Variants in CSMD1 observed in about 807,000 individuals in gnomAD.
CSMD1 encodes the protein CUB and sushi domain-containing protein 1.
In CSMD1, 213 loss-of-function variants were observed where a neutral mutation model predicts 417.5. That is an observed-to-expected ratio of 0.51 (90% CI 0.46 to 0.57). The LOEUF is 0.57. Among genes scored for constraint, CSMD1 ranks in the 20% least tolerant of loss-of-function variants. The probability of loss-of-function intolerance (pLI) is 0.00; values close to 1 mark genes in which losing one functional copy is unlikely to be tolerated. For synonymous variants in CSMD1, 2,862 were observed against 1,736.8 expected, an observed-to-expected ratio of 1.65 and a Z score of -16.11; for missense variants, 6,923 against 4,529.7, an observed-to-expected ratio of 1.53 and a Z score of -15.17.
At chr8:3,453,523 A>G (rs1019694755) in intron 12 of CSMD1, among the ~76,000 whole-genome samples, 1 of 151,972 alleles carries the variant, frequency 6.6e-6, no homozygotes, top group Non-Finnish European at 1.5e-5. Flanking sequence ...CTTTGTTCTC[A>G]TTGGTTTCAA....
chr8:4,115,906 G>A (rs1047536069), intron 3 of CSMD1, among the ~76,000 whole-genome samples: 4 of 151,936 alleles, frequency 2.6e-5, no homozygotes, highest in African/African-American at 9.7e-5. Context: ...AAAGATCAGT[G>A]GTTGCCAGTG....
At chr8:3,741,173 T>A (rs1010239670) in intron 6 of CSMD1, among the ~76,000 whole-genome samples, 4 of 137,894 alleles carry the variant, frequency 2.9e-5, no homozygotes, top group East Asian at 2.1e-4. Context: ...GAGATCGTGC[T>A]ATTGCAGTCC....
chr8:4,955,977 G>A (rs1434358580), intron 1 of CSMD1, among the ~76,000 whole-genome samples: 1 of 152,186 alleles, frequency 6.6e-6, no homozygotes, highest in African/African-American at 2.4e-5. Flanking sequence ...TGCGTTCTGT[G>A]ATTTTCAGTA....
At chr8:4,076,154 G>T (rs569066759) in intron 3 of CSMD1, among the ~76,000 whole-genome samples, 1 of 152,248 alleles carries the variant, frequency 6.6e-6, no homozygotes, top group African/African-American at 2.4e-5. Flanking sequence ...TCATGCGTGT[G>T]GTTGCTCCAT....
In CSMD1 at chr8:3,382,461, ATATAT is replaced by A. The variant is rs1206897143; in HGVS notation, c.2782+5028_2782+5032del. 1.7e-3 allele frequency among the ~76,000 whole-genome samples: 220 copies of A among 126,098 alleles called. 1 individual carries two copies. The highest frequency in any genetic ancestry group is 6.1e-3 in the African/African-American group (209 of 34,224). The allele number at this position is 126,098 out of a possible 152,430, so 82.7% of individuals were successfully genotyped here. On this transcript the variant is annotated intron_variant, in intron 18 of 69. Transcript: ENST00000635120. ...TAACATATATAATATAATATATATA[ATATAT>A]TATATATAATCTATATATTTAATTA...
At chr8:4,496,380 G>A (rs959066898) in intron 2 of CSMD1, among the ~76,000 whole-genome samples, 1 of 152,244 alleles carries the variant, frequency 6.6e-6, no homozygotes, top group East Asian at 1.9e-4. Context: ...CATCCTGACA[G>A]GGGGCTGGAG....
At chr8:3,614,779 A>C (rs903950781) in intron 8 of CSMD1, among the ~76,000 whole-genome samples, 1 of 152,222 alleles carries the variant, frequency 6.6e-6, no homozygotes, top group African/African-American at 2.4e-5. Context: ...GCACAGTTTT[A>C]GTCACTGAGG....
At chr8:4,130,944 T>C (rs959419199) in intron 3 of CSMD1, among the ~76,000 whole-genome samples, 1 of 152,226 alleles carries the variant, frequency 6.6e-6, no homozygotes, top group South Asian at 2.1e-4. Context: ...GAATATCATA[T>C]CTAATCTATA....
chr8:4,026,475 T>A (rs528587984), intron 4 of CSMD1, among the ~76,000 whole-genome samples: 57 of 152,298 alleles, frequency 3.7e-4, no homozygotes, highest in African/African-American at 1.4e-3. Flanking sequence ...ATGGAAATTT[T>A]AAAGATCCTC....
chr8:3,424,539 G>A (rs270071), intron 12 of CSMD1, among the ~76,000 whole-genome samples: 33,348 of 152,106 alleles, frequency 0.22, 4,067 homozygotes, highest in Non-Finnish European at 0.28. Flanking sequence ...CTTGGCTATT[G>A]TTCTTGTAGT....
At chr8:4,936,360 T>C (rs6981938) in intron 1 of CSMD1, among the ~76,000 whole-genome samples, 51,516 of 152,056 alleles carry the variant, frequency 0.34, 9,284 homozygotes, top group Non-Finnish European at 0.41. Flanking sequence ...TCGGCCTGGT[T>C]AAGGTTTTTA....
At chr8:4,717,005 G>C (rs1808700018) in intron 1 of CSMD1, among the ~76,000 whole-genome samples, 1 of 151,990 alleles carries the variant, frequency 6.6e-6, no homozygotes, top group South Asian at 2.1e-4. Context: ...AGAAGCCTGG[G>C]TTGATGAGGA....
intron 8 of CSMD1, among the ~76,000 whole-genome samples, chr8:3,591,322 G>T (rs527834282): frequency 9.9e-5 from 15 of 152,024 alleles, no homozygotes; most frequent in Non-Finnish European, 2.1e-4. Flanking sequence ...ATTTGATTTC[G>T]GAAGACATTT....
rs140515275 is a variant in CSMD1 at position 4,224,540 on chromosome 8, A to G, written c.416-192441T>C. Among the ~76,000 whole-genome samples the G allele has an allele frequency of 4.6e-4, 70 of 152,258 alleles. 1 individual carries two copies. The highest frequency in any genetic ancestry group is 2.7e-3 in the Admixed American group (41 of 15,288). On this transcript the variant is annotated intron_variant, in intron 3 of 69. Coordinates refer to ENST00000635120, the MANE Select transcript of CSMD1 (RefSeq NM_033225.6). The stretch of plus-strand genomic sequence containing the variant: ...TCTTCGCCTAAGTTACCCGGCTAGG[A>G]ACTCAAGGGAAGAGGAAGTCCCACG...
At chr8:4,167,620 G>A (rs1336727903) in intron 3 of CSMD1, among the ~76,000 whole-genome samples, 4 of 152,106 alleles carry the variant, frequency 2.6e-5, no homozygotes, top group Non-Finnish European at 5.9e-5. Context: ...ATATGTGGGG[G>A]ACAGATAAAT....
chr8:3,614,048 C>G (rs1308485615), intron 8 of CSMD1, among the ~76,000 whole-genome samples: 1 of 152,082 alleles, frequency 6.6e-6, no homozygotes, highest in Non-Finnish European at 1.5e-5. Context: ...TACTATATAA[C>G]TAGCTTGTCT....
intron 1 of CSMD1, among the ~76,000 whole-genome samples, chr8:4,900,411 A>G (rs139995552): frequency 7.1e-4 from 108 of 152,228 alleles, no homozygotes; most frequent in Non-Finnish European, 1.3e-3. Context: ...CACCATATCT[A>G]TCACCAATTT....
intron 7 of CSMD1, among the ~76,000 whole-genome samples, chr8:3,690,967 A>G (rs1303000324): frequency 3.9e-5 from 6 of 152,182 alleles, no homozygotes; most frequent in African/African-American, 1.4e-4. Flanking sequence ...TGACTGGTTA[A>G]TGCATGTTTG....
intron 25 of CSMD1, among the ~76,000 whole-genome samples, chr8:3,288,013 A>G (rs6992841): frequency 2.0e-5 from 3 of 147,136 alleles, no homozygotes; most frequent in Admixed American, 1.3e-4. Flanking sequence ...TTAGCATGAA[A>G]GGTTGTTGAA....
Sources: allele counts gnomAD v4.1 joint callset (sites outside exome capture counted in the v4.1 genomes callset), GRCh38; gene constraint gnomAD v4.1.1; transcripts MANE v1.5; gene names NCBI Gene and HGNC (gene_info 2026-07-23, HGNC 2026-07-21).